RLN2: variants seen among roughly 807,000 people sequenced by gnomAD.
RLN2 encodes prorelaxin H2.
Under a neutral mutation model 7.3 loss-of-function variants are expected in RLN2, and 10 were observed. The observed-to-expected ratio is 1.36, with a 90% CI of 0.84 to 2.31. The LOEUF (loss-of-function observed/expected upper bound fraction) is 2.31. Among genes scored for constraint, RLN2 ranks in the 30% most tolerant of loss-of-function variants. The pLI is 0.00. For synonymous variants in RLN2, 103 were observed against 82.3 expected (o/e 1.25, Z -1.36); for missense variants, 298 against 217.6 (o/e 1.37, Z -2.32).
chr9:5,329,166 G>A, the RLN2 span, among the ~76,000 whole-genome samples: 23 of 150,854 alleles, frequency 1.5e-4, no homozygotes, highest in Non-Finnish European at 2.5e-4. Flanking sequence ...AGCCGGGCGC[G>A]GTGGCGGGCG....
upstream of RLN2, among the ~76,000 whole-genome samples, chr9:5,308,496 TA>T (rs1324503763): frequency 3.3e-5 from 5 of 152,040 alleles, no homozygotes; most frequent in Admixed American, 6.6e-5. Flanking sequence ...GTTTTACTGT[TA>T]TGCTGGGCAT....
chr9:5,313,634 T>C, the RLN2 span, among the ~76,000 whole-genome samples: 4 of 152,176 alleles, frequency 2.6e-5, no homozygotes, highest in Admixed American at 2.6e-4. Context: ...TGTGAAATGA[T>C]CAAATCAGGT....
chr9:5,302,037 TG>T (rs1404583373), intron 1 of RLN2, among the ~76,000 whole-genome samples: 5 of 152,198 alleles, frequency 3.3e-5, no homozygotes, highest in Non-Finnish European at 5.9e-5. Flanking sequence ...TTTCTGTAGT[TG>T]GGGCCTTATT....
the RLN2 span, among the ~76,000 whole-genome samples, chr9:5,316,489 T>A: frequency 3.3e-5 from 5 of 152,004 alleles, no homozygotes; most frequent in African/African-American, 1.2e-4. Flanking sequence ...CCCCTCCTTG[T>A]GTCCATGTGT....
At chr9:5,311,923 CCA>C in the RLN2 span, among the ~76,000 whole-genome samples, 1 of 151,472 alleles carries the variant, frequency 6.6e-6, no homozygotes, top group Non-Finnish European at 1.5e-5. Context: ...TGCGCTGCAC[CCA>C]CTAACTCGTT....
In RLN2 at chr9:5,304,405, T is replaced by C. The variant is rs766461444; in HGVS notation, c.176A>G (p.Gln59Arg). 2.5e-6 allele frequency: 4 copies of C among 1,609,298 alleles called. No homozygotes were observed. Among genetic ancestry groups the C allele is most frequent in the South Asian group, 2.2e-5 (2 of 90,754 alleles). ...MSTWSKRSLS[Q>R]EDAPQTPRPV... is the part of the protein sequence containing the mutation. ...TCTAGGTGTCTGAGGAGCATCTTCCTGGCTCAGAGACCTTTTGCTCCAGGT... is the reference window on the plus strand; with the variant it reads ...TCTAGGTGTCTGAGGAGCATCTTCCCGGCTCAGAGACCTTTTGCTCCAGGT... Residue 59 changes from glutamine (Q) to arginine (R), a missense_variant, in exon 1 of 2, where the codon CAG becomes CGG. By Grantham distance (43) the Gln-to-Arg change is conservative (BLOSUM62 1). Coordinates refer to ENST00000381627, the MANE Select transcript of RLN2 (RefSeq NM_134441.3).
chr9:5,314,972 T>G, the RLN2 span, among the ~76,000 whole-genome samples: 3 of 151,696 alleles, frequency 2.0e-5, no homozygotes, highest in African/African-American at 7.3e-5. Context: ...CCTTCCAGAG[T>G]CAAAGTCTTT....
the RLN2 span, chr9:5,335,280 T>C: frequency 6.3e-7 from 1 of 1,597,170 alleles, no homozygotes; most frequent in Non-Finnish European, 8.5e-7. Flanking sequence ...GACCTTTTGG[T>C]ACAACCAATT....
At chr9:5,335,622 A>T in the RLN2 span, 1 of 1,487,584 alleles carries the variant, frequency 6.7e-7, no homozygotes, top group Middle Eastern at 1.8e-4. Flanking sequence ...AAAAAAGTGT[A>T]TGTGAAGGCG....
At chr9:5,318,565 TTAA>T in the RLN2 span, among the ~76,000 whole-genome samples, 24 of 152,088 alleles carry the variant, frequency 1.6e-4, no homozygotes. Context: ...TCTCTTAACA[TTAA>T]TGTTTTTACT....
At chr9:5,328,928 G>A in the RLN2 span, among the ~76,000 whole-genome samples, 3 of 152,018 alleles carry the variant, frequency 2.0e-5, no homozygotes, top group African/African-American at 4.8e-5. Flanking sequence ...ATTTCCTGAA[G>A]GAAGCACTAA....
the RLN2 span, among the ~76,000 whole-genome samples, chr9:5,321,778 G>C: frequency 6.6e-6 from 1 of 151,974 alleles, no homozygotes; most frequent in Non-Finnish European, 1.5e-5. Context: ...AACACTGCAA[G>C]CAGCTGTCCC....
chr9:5,326,217 A>T, the RLN2 span, among the ~76,000 whole-genome samples: 1 of 152,126 alleles, frequency 6.6e-6, no homozygotes, highest in Non-Finnish European at 1.5e-5. Context: ...AAAAACACAA[A>T]CATACCATTA....
chr9:5,314,808 T>C, the RLN2 span, among the ~76,000 whole-genome samples: 2 of 152,050 alleles, frequency 1.3e-5, no homozygotes, highest in African/African-American at 4.8e-5. Flanking sequence ...GATACTTCTA[T>C]GTCCCACTAT....
At chr9:5,311,564 C>A in the RLN2 span, 2 of 774,034 alleles carry the variant, frequency 2.6e-6, no homozygotes, top group Non-Finnish European at 4.6e-6. Context: ...AGAGCTCAAG[C>A]CTAAAAACGC....
chr9:5,321,933 C>T, the RLN2 span, among the ~76,000 whole-genome samples: 30 of 152,080 alleles, frequency 2.0e-4, 1 homozygote, highest in East Asian at 2.7e-3. Flanking sequence ...GCCCTGAGAA[C>T]GATGGTCACT....
At chr9:5,304,795 C>T (rs1816212910), upstream of RLN2, 2 of 588,292 alleles carry the variant, frequency 3.4e-6, no homozygotes, top group Non-Finnish European at 6.1e-6. Context: ...ACAGAATTTT[C>T]CCCCTCAGCT....
At chr9:5,318,660 G>C in the RLN2 span, among the ~76,000 whole-genome samples, 13 of 151,804 alleles carry the variant, frequency 8.6e-5, no homozygotes, top group East Asian at 2.3e-3. Context: ...CCTATTGATT[G>C]GTAAGAAAAT....
At chr9:5,334,928 T>A in the RLN2 span, 1 of 198,760 alleles carries the variant, frequency 5.0e-6, no homozygotes, top group African/African-American at 2.3e-5. Context: ...GTCCACCTCA[T>A]GTAACTGTTG....
Sources: allele counts gnomAD v4.1 joint callset (sites outside exome capture counted in the v4.1 genomes callset), GRCh38; gene constraint gnomAD v4.1.1; transcripts MANE v1.5; gene names NCBI Gene and HGNC (gene_info 2026-07-23, HGNC 2026-07-21).